STK3: variants seen among roughly 807,000 people sequenced by gnomAD.
STK3 encodes serine/threonine-protein kinase 3.
A neutral mutation model predicts 58.0 loss-of-function variants in STK3; 41 were observed. That is an observed-to-expected ratio of 0.71 (90% CI 0.55 to 0.92). The LOEUF is 0.92. STK3 is among the 40% of genes least tolerant of loss of function. The probability of loss-of-function intolerance (pLI) is 0.00; values close to 1 mark genes in which losing one functional copy is unlikely to be tolerated. For synonymous variants in STK3, 170 were observed against 191.0 expected (o/e 0.89, Z 0.91); for missense variants, 479 against 602.7 (o/e 0.79, Z 2.15).
chr8:98,380,909 C>A lies in STK3; in HGVS notation n.57-1702G>T, dbSNP rs553354649. 4.5e-4 allele frequency among the ~76,000 whole-genome samples: 67 copies of A among 147,986 alleles called. 2 individuals carry two copies. The highest frequency in any genetic ancestry group is 3.3e-3 in the Admixed American group (49 of 14,826). On this transcript the variant is annotated intron_variant and non_coding_transcript_variant, in intron 1 of 2. Transcript: ENST00000518704. ...CTTTCTATCACATAAGTTCCAAATA[C>A]TTCCCTCAGGTTGTTGTGTTTATTT...
At chr8:98,765,751 G>A (rs1367629016) in intron 3 of STK3, among the ~76,000 whole-genome samples, 1 of 152,214 alleles carries the variant, frequency 6.6e-6, no homozygotes, top group Admixed American at 6.5e-5. Flanking sequence ...CTGAGACATG[G>A]CTGTTCCTTT....
At chr8:98,778,115 T>C in intron 1 of STK3, among the ~76,000 whole-genome samples, 1 of 152,074 alleles carries the variant, frequency 6.6e-6, no homozygotes, top group African/African-American at 2.4e-5. Flanking sequence ...GGAGAAAATT[T>C]TTGCAATCTA....
At chr8:98,893,477 AG>A (rs1564087182) in intron 1 of STK3, among the ~76,000 whole-genome samples, 3 of 63,414 alleles carry the variant, frequency 4.7e-5, no homozygotes, top group African/African-American at 1.7e-4. Context: ...AAAGAAAGAA[AG>A]AAAGAAAGAG....
At chr8:98,733,371 T>C (rs546374772) in intron 4 of STK3, among the ~76,000 whole-genome samples, 1 of 152,328 alleles carries the variant, frequency 6.6e-6, no homozygotes, top group South Asian at 2.1e-4. Context: ...CAAGCATTAC[T>C]GCCTGAGCTC....
intron 3 of STK3, among the ~76,000 whole-genome samples, chr8:98,839,675 T>C (rs971233405): frequency 5.9e-5 from 9 of 152,186 alleles, no homozygotes; most frequent in Admixed American, 5.9e-4. Flanking sequence ...AAATTATCCA[T>C]GGAATACTTT....
intron 6 of STK3, among the ~76,000 whole-genome samples, chr8:98,674,544 A>G (rs889797821): frequency 6.6e-6 from 1 of 152,124 alleles, no homozygotes; most frequent in Non-Finnish European, 1.5e-5. Flanking sequence ...AGGTCAAAGT[A>G]AAAAAGCATT....
chr8:98,878,187 G>A (rs539994777), intron 3 of STK3, among the ~76,000 whole-genome samples: 1 of 151,888 alleles, frequency 6.6e-6, no homozygotes, highest in South Asian at 2.1e-4. Flanking sequence ...TGAGTAACTG[G>A]GATTACAGGT....
At chr8:98,927,047 G>A (rs1839825583) in intron 1 of STK3, among the ~76,000 whole-genome samples, 1 of 152,188 alleles carries the variant, frequency 6.6e-6, no homozygotes, top group Non-Finnish European at 1.5e-5. Flanking sequence ...AGGAGTTCTA[G>A]GCAGGATAAC....
intron 4 of STK3, among the ~76,000 whole-genome samples, chr8:98,711,163 G>C (rs1020840594): frequency 3.3e-5 from 5 of 152,132 alleles, no homozygotes; most frequent in Admixed American, 2.0e-4. Context: ...ACCAAAGGTA[G>C]ATAAAACCAC....
At chr8:98,886,211 A>G (rs1178867377) in intron 1 of STK3, among the ~76,000 whole-genome samples, 1 of 152,204 alleles carries the variant, frequency 6.6e-6, no homozygotes, top group African/African-American at 2.4e-5. Flanking sequence ...AACTACATCT[A>G]AAATTGGTGA....
At chr8:98,442,439 C>G (rs1055906639) in intron 1 of STK3, among the ~76,000 whole-genome samples, 4 of 152,202 alleles carry the variant, frequency 2.6e-5, no homozygotes, top group African/African-American at 9.7e-5. Context: ...ATGTTAGCAC[C>G]AATGGCACTT....
intron 4 of STK3, among the ~76,000 whole-genome samples, chr8:98,709,999 C>T (rs543070362): frequency 6.6e-6 from 1 of 151,862 alleles, no homozygotes; most frequent in South Asian, 2.1e-4. Context: ...ACATATAGTA[C>T]TGGAGGTTCT....
chr8:98,904,994 T>G, intron 1 of STK3: 2 of 753,184 alleles, frequency 2.7e-6, no homozygotes, highest in Non-Finnish European at 4.9e-6. Flanking sequence ...AGACCCAGTA[T>G]CGCTTATAGT....
chr8:98,568,604 G>C (rs1336791526), intron 8 of STK3, among the ~76,000 whole-genome samples: 1 of 152,006 alleles, frequency 6.6e-6, no homozygotes, highest in Non-Finnish European at 1.5e-5. Flanking sequence ...AAATGTCAGA[G>C]ATCAAAACAA....
At chr8:98,784,726 C>T (rs984380700) in intron 1 of STK3, among the ~76,000 whole-genome samples, 8 of 152,090 alleles carry the variant, frequency 5.3e-5, no homozygotes, top group African/African-American at 1.9e-4. Flanking sequence ...ACAGTGGGGC[C>T]CTCTCCACTC....
chr8:98,610,079 G>T (rs1486372817), intron 6 of STK3, among the ~76,000 whole-genome samples: 1 of 151,620 alleles, frequency 6.6e-6, no homozygotes, highest in African/African-American at 2.4e-5. Flanking sequence ...AACTTTCATA[G>T]TAACTTATCT....
chr8:98,381,869 A>G (rs1399958821), intron 1 of STK3, among the ~76,000 whole-genome samples: 3 of 152,230 alleles, frequency 2.0e-5, no homozygotes, highest in Non-Finnish European at 4.4e-5. Context: ...ATGTAGATAC[A>G]TGGCTGGATC....
chr8:98,641,717 A>G (rs1431431743), intron 6 of STK3, among the ~76,000 whole-genome samples: 1 of 152,208 alleles, frequency 6.6e-6, no homozygotes, highest in Non-Finnish European at 1.5e-5. Flanking sequence ...TAAAATATGC[A>G]TATGTAAATG....
At chr8:98,540,984 G>A (rs1810206693) in intron 9 of STK3, among the ~76,000 whole-genome samples, 1 of 152,162 alleles carries the variant, frequency 6.6e-6, no homozygotes, top group African/African-American at 2.4e-5. Flanking sequence ...ATAGCAGTGA[G>A]GGTTGATTTC....
Sources: allele counts gnomAD v4.1 joint callset (sites outside exome capture counted in the v4.1 genomes callset), GRCh38; gene constraint gnomAD v4.1.1; transcripts MANE v1.5; gene names NCBI Gene and HGNC (gene_info 2026-07-23, HGNC 2026-07-21).